IRAK2: variants seen among roughly 807,000 people sequenced by gnomAD.
The protein encoded by IRAK2 is interleukin-1 receptor-associated kinase-like 2.
In IRAK2, 57 loss-of-function variants were observed where a neutral mutation model predicts 72.0. The ratio of observed to expected loss-of-function variants is 0.79; its 90% confidence interval spans 0.64 to 0.99. IRAK2 has a LOEUF of 0.99. IRAK2 is among the 50% of genes least tolerant of loss of function. The pLI, the probability that IRAK2 is intolerant of heterozygous loss-of-function variation, is 0.00. For synonymous variants in IRAK2, 293 were observed against 312.7 expected (o/e 0.94, Z 0.67); for missense variants, 790 against 794.4 (o/e 0.99, Z 0.07).
intron 10 of IRAK2, among the ~76,000 whole-genome samples, chr3:10,233,271 C>T (rs1339289789): frequency 7.2e-5 from 11 of 152,020 alleles, no homozygotes; most frequent in African/African-American, 2.4e-4. Flanking sequence ...AGGCTGGTCT[C>T]GAACTCCTGA....
In IRAK2 at chr3:10,185,496, T is replaced by G. The variant is rs1697060329; in HGVS notation, c.277+7476T>G. 1.4e-5 allele frequency among the ~76,000 whole-genome samples: 2 copies of G among 142,228 alleles called. 1 individual carries two copies. The highest frequency in any genetic ancestry group is 5.5e-5 in the African/African-American group (2 of 36,382). 93.3% of individuals were successfully genotyped at this position (142,228 alleles called of 152,430 possible). Reference sequence around the variant, plus strand: ...TCGCTTGAACCTGGGAAGCAGAGATTGTGGTGAGCCAAGATCGCACCATTG... The same window carrying G: ...TCGCTTGAACCTGGGAAGCAGAGATGGTGGTGAGCCAAGATCGCACCATTG... On this transcript the variant is annotated intron_variant, in intron 2 of 12. Coordinates refer to ENST00000256458, the MANE Select transcript of IRAK2 (RefSeq NM_001570.4).
At position 10,190,282 on chromosome 3, in the gene IRAK2, T is replaced by TC. The variant is rs1474097720; in HGVS notation, c.278-10087_278-10086insC. Among the ~76,000 whole-genome samples, 4 of 137,392 alleles carry TC rather than the reference T, an allele frequency of 2.9e-5. No individual in the cohort carries two copies. In the East Asian group the frequency reaches 6.1e-4, roughly 21 times the overall value. The allele number at this position is 137,392 out of a possible 152,430, so 90.1% of individuals were successfully genotyped here. Reference sequence around the variant, plus strand: ...GATGGTGAGGTTTTCTTTGTTTCTTTTTTTTTTTTTTTTTGTGAGACAGAG... The same window carrying TC: ...GATGGTGAGGTTTTCTTTGTTTCTTTCTTTTTTTTTTTTTTGTGAGACAGAG... On this transcript the variant is annotated intron_variant, in intron 2 of 12. Coordinates refer to ENST00000256458, the MANE Select transcript of IRAK2 (RefSeq NM_001570.4).
chr3:10,219,383 A>G (rs570228553), intron 7 of IRAK2, among the ~76,000 whole-genome samples: 86 of 151,944 alleles, frequency 5.7e-4, no homozygotes, highest in Middle Eastern at 3.4e-3. Flanking sequence ...CAGTGGTGCA[A>G]TCTCGGCTTA....
intron 2 of IRAK2, among the ~76,000 whole-genome samples, chr3:10,190,702 C>A (rs1441400320): frequency 1.3e-5 from 2 of 152,164 alleles, no homozygotes; most frequent in Non-Finnish European, 2.9e-5. Context: ...TACAACTAGT[C>A]TCCTCCAGTT....
chr3:10,172,537 CAAAAAAAAAAA>C (rs71055803), intron 1 of IRAK2, among the ~76,000 whole-genome samples: 1 of 34,928 alleles, frequency 2.9e-5, no homozygotes, highest in Non-Finnish European at 5.0e-5. Context: ...AACTCCGACT[CAAAAAAAAAAA>C]AAAAAAAAAG....
chr3:10,184,460 G>A (rs1177614), intron 2 of IRAK2, among the ~76,000 whole-genome samples: 109,913 of 151,886 alleles, frequency 0.72, 40,650 homozygotes, highest in Non-Finnish European at 0.78. Flanking sequence ...TTCCTTTAGG[G>A]CAAATCTGGT....
At chr3:10,210,978 C>T (rs985593963) in intron 4 of IRAK2, among the ~76,000 whole-genome samples, 6 of 152,136 alleles carry the variant, frequency 3.9e-5, no homozygotes, top group African/African-American at 1.4e-4. Context: ...CCTGCCTCAG[C>T]CTCCTGAGTA....
At position 10,167,548 on chromosome 3, in the gene IRAK2, T is replaced by C. The variant is rs111334013; in HGVS notation, c.94+2500T>C. Among the ~76,000 whole-genome samples the C allele has an allele frequency of 8.0e-3, 1,212 of 152,132 alleles. 10 individuals are homozygous for C. The highest frequency in any genetic ancestry group is 0.028 in the African/African-American group (1,148 of 41,530). Reference sequence around the variant, plus strand: ...TCCTGCTTCAGCCTCCCTAGCAGCTTGGACTACAGGTGCCTGCCACCATGC... The same window carrying C: ...TCCTGCTTCAGCCTCCCTAGCAGCTCGGACTACAGGTGCCTGCCACCATGC... On this transcript the variant is annotated intron_variant, in intron 1 of 12. Transcript: ENST00000256458.
Position 10,242,128 on chromosome 3 carries a change from C to T in IRAK2, c.1778C>T (p.Ser593Leu), listed in dbSNP as rs1281742408. Residue 593 changes from serine (S) to leucine (L), a missense_variant, in exon 13 of 13, where the codon TCG (serine) becomes TTG (leucine). Physicochemically the swap from Ser to Leu is moderately radical, Grantham distance 145 (BLOSUM62 -2). Coordinates refer to ENST00000256458, the MANE Select transcript of IRAK2 (RefSeq NM_001570.4). The part of the protein sequence containing the change: ...LEPPQDVTET[S>L]WQIEINEAKR... ...TGTTGAACATCAGTTACAGAAACTT[C>T]GTGGCAAATTGAGATCAATGAGGCC... 1.8e-5 allele frequency: 29 copies of T among 1,606,518 alleles called. No individual in the cohort carries two copies. Among genetic ancestry groups the T allele is most frequent in the African/African-American group, 2.7e-5 (2 of 74,680 alleles).
At position 10,230,406 on chromosome 3, in the gene IRAK2, T is replaced by C. The variant is rs571161529; in HGVS notation, c.1272+3973T>C. ...GGCATGATCATAGCTCACTGTCACC[T>C]CGAACTCCTGGGCTCAAGGGATCCT... On this transcript the variant is annotated intron_variant, in intron 10 of 12. Transcript: ENST00000256458. 1.4e-4 allele frequency among the ~76,000 whole-genome samples: 22 copies of C among 152,118 alleles called. No homozygotes were observed. The East Asian group carries it at 1.7e-3, about 12-fold the overall frequency.
intron 1 of IRAK2, among the ~76,000 whole-genome samples, 192 bp downstream of exon 1, chr3:10,165,240 G>C (rs940733469): frequency 6.6e-6 from 1 of 152,226 alleles, no homozygotes; most frequent in Non-Finnish European, 1.5e-5. Context: ...CGTGGTCTCT[G>C]AGGACGTCTG....
At chr3:10,236,121 G>A (rs899327145) in intron 11 of IRAK2, among the ~76,000 whole-genome samples, 1 of 152,020 alleles carries the variant, frequency 6.6e-6, no homozygotes, top group Admixed American at 6.6e-5. Context: ...CCTGAGGAAG[G>A]GGGGTTTAAG....
At chr3:10,222,156 G>T (rs958832766) in intron 8 of IRAK2, among the ~76,000 whole-genome samples, 39 of 152,200 alleles carry the variant, frequency 2.6e-4, no homozygotes, top group Non-Finnish European at 1.9e-4. Flanking sequence ...CCAAAGTGCT[G>T]GGATTACAGG....
Position 10,238,953 on chromosome 3 carries a change from A to C in IRAK2, c.1679A>C (p.Asn560Thr), listed in dbSNP as rs1400982725. ...GAATPLLPTE[N>T]GEGRLRVIVG... ...GCCACCCCACTTCTCCCCACAGAGA[A>C]TGGGGAAGGAAGGCTGCGGGTCATC... Residue 560 changes from asparagine (N) to threonine (T), a missense_variant, in exon 12 of 13, where the codon AAT (asparagine) becomes ACT (threonine). Transcript: ENST00000256458. The C allele has an allele frequency of 1.9e-6, 3 of 1,613,814 alleles. No individual in the cohort carries two copies. The highest frequency in any genetic ancestry group is 2.5e-6 in the Non-Finnish European group (3 of 1,179,870).
intron 10 of IRAK2, among the ~76,000 whole-genome samples, chr3:10,231,801 C>CACACCGGGTGTGA (rs1220970688): frequency 6.6e-6 from 1 of 152,132 alleles, no homozygotes; most frequent in Non-Finnish European, 1.5e-5. Flanking sequence ...AGGTGTGAAC[C>CACACCGGGTGTGA]ACCACGCCCG....
intron 7 of IRAK2, among the ~76,000 whole-genome samples, chr3:10,218,423 C>CAAAAAAAAA (rs56893916): frequency 4.1e-5 from 2 of 49,292 alleles, no homozygotes; most frequent in African/African-American, 9.4e-5. Context: ...GACTCCGTCT[C>CAAAAAAAAA]AAAAAAAAAA....
At chr3:10,186,322 A>C (rs1482608979) in intron 2 of IRAK2, among the ~76,000 whole-genome samples, 1 of 151,766 alleles carries the variant, frequency 6.6e-6, no homozygotes, top group African/African-American at 2.4e-5. Context: ...TTCTTTGGCA[A>C]CACAGTTCTG....
rs1341533928 is a variant in IRAK2, at chr3:10,233,237, C to T, written c.1273-1222C>T. On this transcript the variant is annotated intron_variant, in intron 10 of 12. Transcript: ENST00000256458. Reference sequence around the variant, plus strand: ...GCTAATTTTTTGTATTTTTTAGTAGCGACGAGGTTTCACCGTGTCAGCCAG... The same window carrying T: ...GCTAATTTTTTGTATTTTTTAGTAGTGACGAGGTTTCACCGTGTCAGCCAG... Among the ~76,000 whole-genome samples the T allele has an allele frequency of 2.6e-5, 4 of 151,896 alleles. 1 individual carries two copies.
At chr3:10,201,232 A>G (rs968639202) in intron 3 of IRAK2, among the ~76,000 whole-genome samples, 2 of 152,228 alleles carry the variant, frequency 1.3e-5, no homozygotes, top group African/African-American at 4.8e-5. Flanking sequence ...CATGGATGAG[A>G]AAACTAAAGC....
Sources: gnomAD v4.1 joint callset for allele counts (sites outside exome capture counted in the v4.1 genomes callset) on GRCh38, gnomAD v4.1.1 for gene constraint, MANE v1.5 for transcripts, NCBI Gene and HGNC (gene_info 2026-07-23, HGNC 2026-07-21) for gene names.